The following R3HDM1 variants were observed in gnomAD, a reference collection of about 807,000 sequenced individuals.
The protein encoded by R3HDM1 is R3H domain-containing protein 1.
In R3HDM1, 46 loss-of-function variants were observed where a neutral mutation model predicts 141.1. The observed-to-expected ratio is 0.33, with a 90% CI of 0.26 to 0.42. The LOEUF (loss-of-function observed/expected upper bound fraction) is 0.42, where lower values mean the gene tolerates loss of function less well. Ranked by LOEUF, R3HDM1 falls within the 10% of genes least tolerant of loss-of-function variation. R3HDM1 has a pLI of 1.00. For missense variants in R3HDM1, 1,184 were observed against 1,368.3 expected (o/e 0.87, Z 2.12); for synonymous variants, 435 against 472.9 (o/e 0.92, Z 1.04).
At chr2:135,714,040 C>T (rs1304218725) in intron 23 of R3HDM1, among the ~76,000 whole-genome samples, 1 of 151,754 alleles carries the variant, frequency 6.6e-6, no homozygotes, top group Non-Finnish European at 1.5e-5. Context: ...AGGCAAGAGT[C>T]ACCACTAGAG....
At chr2:135,555,621 T>A (rs1201870606) in intron 1 of R3HDM1, among the ~76,000 whole-genome samples, 1 of 152,198 alleles carries the variant, frequency 6.6e-6, no homozygotes, top group Admixed American at 6.5e-5. Context: ...CCAACGTTTA[T>A]AGCAGCACTA....
chr2:135,600,508 C>G (rs2059541802), intron 1 of R3HDM1, among the ~76,000 whole-genome samples: 1 of 152,164 alleles, frequency 6.6e-6, no homozygotes, highest in Admixed American at 6.5e-5. Flanking sequence ...TCAGTCCTCA[C>G]AACAAACCTA....
At chr2:135,631,214 A>G (rs1000918796) in intron 7 of R3HDM1, among the ~76,000 whole-genome samples, 9 of 152,146 alleles carry the variant, frequency 5.9e-5, no homozygotes, top group Non-Finnish European at 7.4e-5. Flanking sequence ...TACTGTTTCT[A>G]TGGAGTTCAG....
At chr2:135,639,297 ACT>A (rs2063553048) in intron 14 of R3HDM1, 175 bp downstream of exon 14, 4 of 610,450 alleles carry the variant, frequency 6.6e-6, no homozygotes, top group South Asian at 2.1e-5. Flanking sequence ...ATGAGGATTC[ACT>A]CTCTGTCCTG....
rs745775663 is a variant in R3HDM1 at position 135,635,864 on chromosome 2, C to CTTTGTT, written c.699-10_699-5dup. 923 of 1,554,172 alleles carry CTTTGTT rather than the reference C, an allele frequency of 5.9e-4. 5 individuals carry two copies. The African/African-American group carries it at 8.6e-3, about 14-fold the overall frequency. Reference sequence around the variant, plus strand: ...TATTGTTCATTATCTTTTCCTGTTCCTTTGTTTTTGTTTTTGTTTTTTAAG... The same window carrying CTTTGTT: ...TATTGTTCATTATCTTTTCCTGTTCCTTTGTTTTTGTTTTTGTTTTTGTTTTTTAAG... On this transcript the variant is annotated intron_variant, in intron 9 of 26. Transcript: ENST00000683871.
intron 21 of R3HDM1, among the ~76,000 whole-genome samples, chr2:135,692,817 A>AG (rs1424456029): frequency 1.3e-5 from 2 of 152,062 alleles, no homozygotes; most frequent in Non-Finnish European, 2.9e-5. Flanking sequence ...TGGCAGTAGG[A>AG]GGGGGATTAA....
At chr2:135,680,795 T>G (rs1192725376) in intron 21 of R3HDM1, among the ~76,000 whole-genome samples, 2 of 152,168 alleles carry the variant, frequency 1.3e-5, no homozygotes, top group Non-Finnish European at 2.9e-5. Flanking sequence ...TGTATATTTC[T>G]TTCAGTAAAA....
chr2:135,567,230 G>A (rs1702998696), intron 1 of R3HDM1, among the ~76,000 whole-genome samples: 1 of 152,016 alleles, frequency 6.6e-6, no homozygotes, highest in South Asian at 2.1e-4. Context: ...TAACAATCCT[G>A]CTTCTCTTTA....
chr2:135,544,462 CAT>C lies in R3HDM1; in HGVS notation c.-250+12833_-250+12834del, dbSNP rs1698266856. On this transcript the variant is annotated intron_variant, in intron 1 of 26. Transcript: ENST00000683871. ...TATTTACAGTGAGCTGAGCTGTATTCATATAGTTTCCTATTATCCGGCCTTTT... is the reference window on the plus strand; with the variant it reads ...TATTTACAGTGAGCTGAGCTGTATTCATAGTTTCCTATTATCCGGCCTTTT... Among the ~76,000 whole-genome samples, 2 of 152,136 alleles carry C rather than the reference CAT, an allele frequency of 1.3e-5. 1 individual carries two copies. The highest frequency in any genetic ancestry group is 4.1e-4 in the South Asian group (2 of 4,828).
intron 11 of R3HDM1, 127 bp from the exon 12 acceptor site, chr2:135,638,491 G>A: frequency 2.1e-6 from 2 of 930,332 alleles, no homozygotes; most frequent in Non-Finnish European, 3.2e-6. Context: ...TTATTTATTT[G>A]TGTACCCTTA....
At chr2:135,720,884 C>G (rs776919697) in intron 24 of R3HDM1, among the ~76,000 whole-genome samples, 2 of 152,260 alleles carry the variant, frequency 1.3e-5, no homozygotes, top group South Asian at 4.2e-4. Context: ...TTCTTCCTTC[C>G]TCTGAAAGGT....
At chr2:135,714,090 A>AT (rs905944160) in intron 23 of R3HDM1, among the ~76,000 whole-genome samples, 14 of 151,678 alleles carry the variant, frequency 9.2e-5, no homozygotes, top group Admixed American at 2.0e-4. Flanking sequence ...GAAAAGCATA[A>AT]TTTTTTTTTA....
chr2:135,584,205 G>A lies in R3HDM1; in HGVS notation c.-249-18295G>A, dbSNP rs538133875. The A allele has an allele frequency of 8.3e-5, 44 of 532,770 alleles. 1 individual carries two copies. The South Asian group carries it at 2.8e-3, about 34-fold the overall frequency. 33.0% of individuals were successfully genotyped at this position (532,770 alleles called of 1,614,324 possible). A position where few individuals can be genotyped will look rare whatever the true frequency, so the allele number is the denominator to read the frequency against. Reference sequence around the variant, plus strand: ...TAACCAGTTGTGGTGGCAGTTTCCTGTAATCCCAGCTACTCGGGAGGCTGA... The same window carrying A: ...TAACCAGTTGTGGTGGCAGTTTCCTATAATCCCAGCTACTCGGGAGGCTGA... On this transcript the variant is annotated intron_variant, in intron 1 of 26. Coordinates refer to ENST00000683871, the MANE Select transcript of R3HDM1 (RefSeq NM_001378107.1).
At chr2:135,710,316 C>T (rs956898255) in intron 23 of R3HDM1, 85 bp downstream of exon 23, 25 of 1,381,492 alleles carry the variant, frequency 1.8e-5, no homozygotes, top group South Asian at 2.8e-5. Flanking sequence ...TTTGAAATCC[C>T]GTCAGCCAGA....
At chr2:135,641,897 A>G (rs2063821789) in intron 15 of R3HDM1, 107 bp downstream of exon 15, 1 of 1,283,800 alleles carries the variant, frequency 7.8e-7, no homozygotes, top group Non-Finnish European at 1.0e-6. Flanking sequence ...TTCATGAATA[A>G]TTAACATTTT....
chr2:135,562,626 A>G (rs1373714150), intron 1 of R3HDM1, among the ~76,000 whole-genome samples: 1 of 152,168 alleles, frequency 6.6e-6, no homozygotes, highest in African/African-American at 2.4e-5. Flanking sequence ...ATTGAATAAA[A>G]CTTTCCTTCT....
intron 21 of R3HDM1, among the ~76,000 whole-genome samples, chr2:135,689,501 A>G (rs891195195): frequency 3.3e-5 from 5 of 152,208 alleles, no homozygotes; most frequent in Admixed American, 6.5e-5. Flanking sequence ...TAAGATTCCT[A>G]TAAGAACACA....
At chr2:135,587,444 A>G (rs537636241) in intron 1 of R3HDM1, among the ~76,000 whole-genome samples, 2 of 152,290 alleles carry the variant, frequency 1.3e-5, no homozygotes, top group African/African-American at 4.8e-5. Context: ...TAGGAAGAAA[A>G]TCACTAAATG....
chr2:135,607,916 T>C, intron 3 of R3HDM1: 2 of 983,572 alleles, frequency 2.0e-6, no homozygotes, highest in Non-Finnish European at 2.4e-6. Context: ...TCCTATAGCA[T>C]AGCGACTGTA....
Sources: gnomAD v4.1 joint callset for allele counts (sites outside exome capture counted in the v4.1 genomes callset) on GRCh38, gnomAD v4.1.1 for gene constraint, MANE v1.5 for transcripts, NCBI Gene and HGNC (gene_info 2026-07-23, HGNC 2026-07-21) for gene names.